LOXL3: variants seen among roughly 807,000 people sequenced by gnomAD.
LOXL3 encodes lysyl oxidase homolog 3.
In LOXL3, 60 loss-of-function variants were observed where a neutral mutation model predicts 91.8. That is an observed-to-expected ratio of 0.65 (90% confidence interval 0.53 to 0.81). LOXL3 has a LOEUF of 0.81. Among genes scored for constraint, LOXL3 ranks in the 30% least tolerant of loss-of-function variants. LOXL3 has a pLI of 0.00. For missense variants in LOXL3, 874 were observed against 1,000.4 expected, an observed-to-expected ratio of 0.87 and a Z score of 1.70; for synonymous variants, 355 against 387.6, an observed-to-expected ratio of 0.92 and a Z score of 0.99.
Position 74,535,696 on chromosome 2 carries a change from T to C in LOXL3, c.1308A>G (p.Gly436=). 2 of 1,606,628 alleles carry C rather than the reference T, an allele frequency of 1.2e-6. No individual in the cohort carries two copies. The highest frequency in any genetic ancestry group is 1.3e-5 in the African/African-American group (1 of 74,270). ...TGAGGCCCCAGCGAAGGGGCCCAGG[T>C]CCCCCTATTTGCACCTCGACTCGCC... ...HEGRVEVQIG[G]PGPLRWGLIC... Residue 436 remains glycine (G), a synonymous_variant, in exon 8 of 14, where the codon GGA becomes GGG. Coordinates refer to ENST00000264094, the MANE Select transcript of LOXL3 (RefSeq NM_032603.5). The surrounding 1 kb of genome is among the most constrained non-coding windows in gnomAD (Gnocchi z 4.2).
chr2:74,549,277 G>C lies in LOXL3; in HGVS notation c.692+92C>G. On this transcript the variant is annotated intron_variant, in intron 4 of 13. Transcript: ENST00000264094. This position sits in a 1 kb window ranked among gnomAD's most constrained non-coding sequence, Gnocchi z 5.3. ...CGCGTCCCGACCCCCGGGTCCTCCC[G>C]TGCCCCGGACCTGCTCAGATGTCTC... 7.3e-7 allele frequency: 1 copy of C among 1,367,188 alleles called. No homozygotes were observed. The highest frequency in any genetic ancestry group is 1.6e-5 in the South Asian group (1 of 61,132). 84.7% of individuals were successfully genotyped at this position (1,367,188 alleles called of 1,614,324 possible). A position where few individuals can be genotyped will look rare whatever the true frequency, so the allele number is the denominator to read the frequency against.
rs1050331825 is a variant in LOXL3 at position 74,532,788 on chromosome 2, C to T, written c.*818G>A. 5 of 1,613,508 alleles carry T rather than the reference C, an allele frequency of 3.1e-6. No homozygotes were observed. The Admixed American group carries it at 6.7e-5, about 22-fold the overall frequency. ...TGTCCTTGAACTAGGCTTTGTACTC[C>T]TTCCTTTCTCTCTGTCCATTTTTCT... On this transcript the variant is annotated 3_prime_UTR_variant, in exon 14 of 14. Transcript: ENST00000264094.
At position 74,535,271 on chromosome 2, in the gene LOXL3, A is replaced by G; in HGVS notation, c.1579+21T>C. 1 of 1,599,888 alleles carries G rather than the reference A, an allele frequency of 6.3e-7. No homozygotes were observed. The highest frequency in any genetic ancestry group is 8.5e-7 in the Non-Finnish European group (1 of 1,171,024). ...CCAGACACTCCCTTCCCTGGCATGCATCACCCCCTCCTTCACTCACTCTCA... is the reference window on the plus strand; with the variant it reads ...CCAGACACTCCCTTCCCTGGCATGCGTCACCCCCTCCTTCACTCACTCTCA... On this transcript the variant is annotated intron_variant, in intron 9 of 13. Coordinates refer to ENST00000264094, the MANE Select transcript of LOXL3 (RefSeq NM_032603.5). The surrounding 1 kb of genome is among the most constrained non-coding windows in gnomAD (Gnocchi z 4.2).
Position 74,536,305 on chromosome 2 carries a change from G to C in LOXL3, c.1079C>G (p.Ala360Gly). ...TGCCACCTCACCCTGCCCCATGCGA[G>C]CGCCACTCAGAGCTTCTCGAGCACT... ...FGSAREALSGARMGQGMGAIH... is the reference protein window; with the variant it reads ...FGSAREALSGGRMGQGMGAIH... Residue 360 changes from alanine to glycine, a missense_variant, in exon 6 of 14, where the codon GCT (alanine) becomes GGT (glycine). By Grantham distance (60) the Ala-to-Gly change is moderately conservative. Transcript: ENST00000264094. This position sits in a 1 kb window ranked among gnomAD's most constrained non-coding sequence, Gnocchi z 4.5. 6.2e-7 allele frequency: 1 copy of C among 1,613,710 alleles called. No homozygotes were observed. The highest frequency in any genetic ancestry group is 1.3e-5 in the African/African-American group (1 of 75,006).
In LOXL3 at chr2:74,535,490, G is replaced by T; in HGVS notation, c.1417-36C>A. On this transcript the variant is annotated intron_variant, in intron 8 of 13. Transcript: ENST00000264094. The surrounding 1 kb of genome is among the most constrained non-coding windows in gnomAD (Gnocchi z 4.2). ...ATGCAGATGTTTCTGTAAGGCCCAG[G>T]ATCCAGCATCTTGGGCCAAGGGACT... 6.2e-7 allele frequency: 1 copy of T among 1,612,900 alleles called. No homozygotes were observed. Among genetic ancestry groups the T allele is most frequent in the Non-Finnish European group, 8.5e-7 (1 of 1,179,910 alleles).
In LOXL3 at chr2:74,533,918, C is replaced by T. The variant is rs1675818805; in HGVS notation, c.2152G>A (p.Asp718Asn). The change falls in exon 13 of 14, where the codon GAT becomes AAT. Residue 718 changes from aspartate (D) to asparagine (N), a missense_variant. Transcript: ENST00000264094. ...NNAMKCNCKY[D>N]GHRIWVHNCH... is the part of the protein sequence containing the mutation. Reference sequence around the variant, plus strand: ...TTGTGCACCCAGATTCTATGTCCATCATATTTGCAGTTACATTTCATTGCA... The same window carrying T: ...TTGTGCACCCAGATTCTATGTCCATTATATTTGCAGTTACATTTCATTGCA... 2.5e-6 allele frequency: 4 copies of T among 1,614,024 alleles called. No individual in the cohort carries two copies. Among genetic ancestry groups the T allele is most frequent in the South Asian group, 1.1e-5 (1 of 91,080 alleles).
upstream of LOXL3, chr2:74,555,571 A>G (rs2104469328): frequency 6.2e-7 from 1 of 1,612,432 alleles, no homozygotes; most frequent in Non-Finnish European, 8.5e-7. This position sits in a 1 kb window ranked among gnomAD's most constrained non-coding sequence, Gnocchi z 6.1. Context: ...GCTCTCTACT[A>G]CAGAAAGGCA....
rs1303652338 is a variant in LOXL3 at position 74,549,882 on chromosome 2, A to G, written c.478-299T>C. The stretch of plus-strand genomic sequence containing the variant: ...AGGAAATGGCTTTGAAGGAGGAGAA[A>G]GTCAGAAGGAAGATGTCTCAGGAAA... On this transcript the variant is annotated intron_variant, in intron 3 of 13. Transcript: ENST00000264094. This position sits in a 1 kb window ranked among gnomAD's most constrained non-coding sequence, Gnocchi z 5.3. The G allele has an allele frequency of 5.1e-6, 5 of 985,476 alleles. No individual in the cohort carries two copies. Among genetic ancestry groups the G allele is most frequent in the Admixed American group, 1.2e-4 (2 of 16,298 alleles). The allele number at this position is 985,476 out of a possible 1,614,324, so 61.0% of individuals were successfully genotyped here. A position where few individuals can be genotyped will look rare whatever the true frequency, so the allele number is the denominator to read the frequency against.
At position 74,549,568 on chromosome 2, in the gene LOXL3, G is replaced by A; in HGVS notation, c.493C>T (p.Gln165Ter). Reference sequence around the variant, plus strand: ...GGTCGAATTCGCACCTCCTCCACTTGCAGGTGATGCTCTACCTGGGGGCGG... The same window carrying A: ...GGTCGAATTCGCACCTCCTCCACTTACAGGTGATGCTCTACCTGGGGGCGG... The part of the protein sequence containing the change: ...SNVIEVEHHL[Q>*]VEEVRIRPAV... Residue 165 changes from glutamine to a stop codon, truncating the protein, a stop_gained, in exon 4 of 14, where the codon CAA becomes TAA. Coordinates refer to ENST00000264094, the MANE Select transcript of LOXL3 (RefSeq NM_032603.5). LOFTEE classifies it high-confidence loss of function. This position sits in a 1 kb window ranked among gnomAD's most constrained non-coding sequence, Gnocchi z 5.3. 2 of 1,609,642 alleles carry A rather than the reference G, an allele frequency of 1.2e-6. No homozygotes were observed. Among genetic ancestry groups the A allele is most frequent in the Non-Finnish European group, 1.7e-6 (2 of 1,176,984 alleles).
upstream of LOXL3, chr2:74,554,595 C>T (rs1415251283): frequency 6.0e-6 from 4 of 670,404 alleles, no homozygotes; most frequent in Non-Finnish European, 1.0e-5. The surrounding 1 kb of genome is among the most constrained non-coding windows in gnomAD (Gnocchi z 4.9). Context: ...GGGGTCTCCA[C>T]CATTCCTTCT....
upstream of LOXL3, chr2:74,554,959 TC>T: frequency 6.9e-7 from 1 of 1,454,152 alleles, no homozygotes; most frequent in South Asian, 1.2e-5. The surrounding 1 kb of genome is among the most constrained non-coding windows in gnomAD (Gnocchi z 4.9). Context: ...CTTTGCACAC[TC>T]CCGGGAAGCG....
intron 4 of LOXL3, among the ~76,000 whole-genome samples, chr2:74,543,237 C>A (rs1676417670): frequency 1.3e-5 from 2 of 152,200 alleles, no homozygotes; most frequent in Admixed American, 1.3e-4. Flanking sequence ...GCAGGCTCCT[C>A]CCCTATCTGG....
chr2:74,555,602 G>A (rs1677390718), upstream of LOXL3: 2 of 1,614,202 alleles, frequency 1.2e-6, no homozygotes, highest in East Asian at 2.2e-5. The surrounding 1 kb of genome is among the most constrained non-coding windows in gnomAD (Gnocchi z 6.1). Context: ...GGCGCCTACC[G>A]ATAACCCACC....
chr2:74,542,226 G>C (rs570210860), intron 4 of LOXL3, among the ~76,000 whole-genome samples: 4 of 152,180 alleles, frequency 2.6e-5, no homozygotes, highest in African/African-American at 9.7e-5. Context: ...CCAAGAGGTC[G>C]AGGTTGCAGT....
intron 13 of LOXL3, 50 bp downstream of exon 13, chr2:74,533,831 TC>T: frequency 6.6e-7 from 1 of 1,508,654 alleles, no homozygotes; most frequent in Non-Finnish European, 9.2e-7. Context: ...AGAATGAACG[TC>T]TTTCCCTCCC....
chr2:74,555,077 C>T, upstream of LOXL3: 1 of 1,514,250 alleles, frequency 6.6e-7, no homozygotes, highest in Non-Finnish European at 8.8e-7. This position sits in a 1 kb window ranked among gnomAD's most constrained non-coding sequence, Gnocchi z 6.1. Flanking sequence ...CGACTTGCGC[C>T]GCAACCTCCT....
Position 74,552,345 on chromosome 2 carries a change from C to T in LOXL3, c.290G>A (p.Ser97Asn). The change falls in exon 2 of 14, where the codon AGT (serine) becomes AAT (asparagine). Residue 97 changes from serine (S) to asparagine (N), a missense_variant. By Grantham distance (46) the Ser-to-Asn change is conservative. Coordinates refer to ENST00000264094, the MANE Select transcript of LOXL3 (RefSeq NM_032603.5). ...ACCTGTTCCAGGGCCATATTTGGCA[C>T]TGTGGGTCCAGCCTGTGGCCTCTGT... Reference protein sequence around the residue: ...GFTEATGWTHSAKYGPGTGRI... With the variant: ...GFTEATGWTHNAKYGPGTGRI... 6.2e-7 allele frequency: 1 copy of T among 1,603,672 alleles called. No homozygotes were observed. Among genetic ancestry groups the T allele is most frequent in the Non-Finnish European group, 8.5e-7 (1 of 1,171,250 alleles).
Position 74,536,163 on chromosome 2 carries a change from G to A in LOXL3, c.1094-13C>T, listed in dbSNP as rs545397547. On this transcript the variant is annotated splice_polypyrimidine_tract_variant and intron_variant, in intron 6 of 13. Transcript: ENST00000264094. This position sits in a 1 kb window ranked among gnomAD's most constrained non-coding sequence, Gnocchi z 4.5. ...ATAGCACCCATGCCTAGGGCCAGAT[G>A]GCAAAGATCAGGAAGTTGTAATTAA... The A allele has an allele frequency of 1.2e-6, 2 of 1,613,154 alleles. No homozygotes were observed. The highest frequency in any genetic ancestry group is 3.3e-5 in the Admixed American group (2 of 60,020).
Position 74,534,504 on chromosome 2 carries a change from C to T in LOXL3, c.1823+27G>A, listed in dbSNP as rs200973444. On this transcript the variant is annotated intron_variant, in intron 10 of 13. Coordinates refer to ENST00000264094, the MANE Select transcript of LOXL3 (RefSeq NM_032603.5). Reference sequence around the variant, plus strand: ...TTGCCCCATCCCCCGTGGTCTTGCCCTTCTACTTGACTCCCTACCCTCTCA... The same window carrying T: ...TTGCCCCATCCCCCGTGGTCTTGCCTTTCTACTTGACTCCCTACCCTCTCA... The T allele has an allele frequency of 4.2e-5, 67 of 1,613,674 alleles. No individual in the cohort carries two copies. In the African/African-American group the frequency reaches 8.5e-4, roughly 21 times the overall value.
Sources: allele counts gnomAD v4.1 joint callset (sites outside exome capture counted in the v4.1 genomes callset), GRCh38; gene constraint gnomAD v4.1.1; non-coding constraint Gnocchi (gnomAD v3.1); transcripts MANE v1.5; gene names NCBI Gene and HGNC (gene_info 2026-07-23, HGNC 2026-07-21).